The following JAKMIP1 variants were observed in gnomAD, a reference collection of about 807,000 sequenced individuals.
JAKMIP1 encodes janus kinase and microtubule-interacting protein 1.
Under a neutral mutation model 113.0 loss-of-function variants are expected in JAKMIP1, and 33 were observed. The observed-to-expected ratio is 0.29, with a 90% confidence interval of 0.22 to 0.39. JAKMIP1 has a LOEUF of 0.39. Among genes scored for constraint, JAKMIP1 ranks in the 10% least tolerant of loss-of-function variants. The probability of loss-of-function intolerance (pLI) is 1.00; values close to 1 mark genes in which losing one functional copy is unlikely to be tolerated. For synonymous variants in JAKMIP1, 480 were observed against 459.9 expected, an observed-to-expected ratio of 1.04 and a Z score of -0.56; for missense variants, 813 against 1,080.5, an observed-to-expected ratio of 0.75 and a Z score of 3.47.
At chr4:6,063,341 C>T (rs984016094) in intron 9 of JAKMIP1, among the ~76,000 whole-genome samples, 2 of 152,244 alleles carry the variant, frequency 1.3e-5, no homozygotes, top group Admixed American at 1.3e-4. Flanking sequence ...TATTACATAT[C>T]ACTGGCTGGG....
chr4:6,085,735 G>C, intron 3 of JAKMIP1, 106 bp from the exon 4 acceptor site: 1 of 987,980 alleles, frequency 1.0e-6, no homozygotes, highest in Non-Finnish European at 1.5e-6. Context: ...GCAGTGTCTC[G>C]GGCCTGGGTC....
Position 6,040,853 on chromosome 4 carries a change from C to T in JAKMIP1, c.2098-137G>A, listed in dbSNP as rs982757567. 1.9e-5 allele frequency: 13 copies of T among 692,604 alleles called. No individual in the cohort carries two copies. Among genetic ancestry groups the T allele is most frequent in the Middle Eastern group, 3.8e-4 (1 of 2,610 alleles). The allele number at this position is 692,604 out of a possible 1,614,324, so 42.9% of individuals were successfully genotyped here. On this transcript the variant is annotated intron_variant, in intron 17 of 20. Coordinates refer to ENST00000409021, the MANE Select transcript of JAKMIP1 (RefSeq NM_001099433.2). The surrounding 1 kb of genome is among the most constrained non-coding windows in gnomAD (Gnocchi z 5.8). ...TGAGAAGGGACTTGGTGGTCTTCCC[C>T]GTTTGCCCCCACATGAATCACCCAG...
chr4:6,053,799 G>C, intron 13 of JAKMIP1: 1 of 1,280,014 alleles, frequency 7.8e-7, no homozygotes, highest in Non-Finnish European at 9.9e-7. Context: ...ACAAGCCATA[G>C]GCAATAAATA....
chr4:6,049,739 C>G lies in JAKMIP1; in HGVS notation c.1962+80G>C, dbSNP rs1002725483. The G allele has an allele frequency of 1.8e-6, 2 of 1,089,414 alleles. No homozygotes were observed. The highest frequency in any genetic ancestry group is 2.8e-6 in the Non-Finnish European group (2 of 718,590). 67.5% of individuals were successfully genotyped at this position (1,089,414 alleles called of 1,614,324 possible). ...TCTTACATCAGAGAGAAATTAAAAACAAAACAAAACAAAAGTCACACAGAA... is the reference window on the plus strand; with the variant it reads ...TCTTACATCAGAGAGAAATTAAAAAGAAAACAAAACAAAAGTCACACAGAA... On this transcript the variant is annotated intron_variant, in intron 15 of 20. Coordinates refer to ENST00000409021, the MANE Select transcript of JAKMIP1 (RefSeq NM_001099433.2). The surrounding 1 kb of genome is among the most constrained non-coding windows in gnomAD (Gnocchi z 7.0).
In JAKMIP1 at chr4:6,067,299, C is replaced by G. The variant is rs1415409620; in HGVS notation, c.1303-2291G>C. 6.6e-6 allele frequency among the ~76,000 whole-genome samples: 1 copy of G among 152,188 alleles called. No individual in the cohort carries two copies. The highest frequency in any genetic ancestry group is 1.5e-5 in the Non-Finnish European group (1 of 68,036). On this transcript the variant is annotated intron_variant, in intron 8 of 20. Coordinates refer to ENST00000409021, the MANE Select transcript of JAKMIP1 (RefSeq NM_001099433.2). The surrounding 1 kb of genome is among the most constrained non-coding windows in gnomAD (Gnocchi z 4.6). ...AACAGATTTTGTTTTGCACATGACA[C>G]CATTTCCATTCATTCACACAGCTGG...
At chr4:6,046,106 TC>T (rs1195859729) in intron 16 of JAKMIP1, among the ~76,000 whole-genome samples, 2 of 152,108 alleles carry the variant, frequency 1.3e-5, no homozygotes, top group African/African-American at 4.8e-5. Flanking sequence ...CCCACGACTG[TC>T]CCTGTTTTAG....
At chr4:6,055,476 G>A (rs769797371) in intron 12 of JAKMIP1, among the ~76,000 whole-genome samples, 4 of 152,218 alleles carry the variant, frequency 2.6e-5, no homozygotes, top group Non-Finnish European at 5.9e-5. Context: ...AGAAAGAGAA[G>A]AACAGAGGCC....
chr4:6,149,405 G>A (rs574056802), intron 1 of JAKMIP1, among the ~76,000 whole-genome samples: 9 of 152,130 alleles, frequency 5.9e-5, no homozygotes, highest in African/African-American at 9.6e-5. Flanking sequence ...GCTGACCCTC[G>A]CCATCTGTCG....
At chr4:6,048,955 A>C in intron 15 of JAKMIP1, 33 bp from the exon 16 acceptor site, 1 of 1,561,344 alleles carries the variant, frequency 6.4e-7, no homozygotes, top group Non-Finnish European at 8.8e-7. Context: ...GGCATTTGAC[A>C]CTGGATCCCA....
chr4:6,055,064 G>A (rs1027183360), intron 12 of JAKMIP1, among the ~76,000 whole-genome samples: 6 of 152,162 alleles, frequency 3.9e-5, no homozygotes, highest in African/African-American at 1.4e-4. Flanking sequence ...GAAGGGAATG[G>A]GGCCACATGC....
intron 8 of JAKMIP1, among the ~76,000 whole-genome samples, chr4:6,075,548 C>T (rs573665417): frequency 7.2e-5 from 11 of 152,158 alleles, no homozygotes; most frequent in Admixed American, 1.3e-4. Flanking sequence ...ATAGAAAAGA[C>T]CCTAAACCCA....
intron 8 of JAKMIP1, among the ~76,000 whole-genome samples, chr4:6,078,307 T>G (rs1719977293): frequency 7.0e-6 from 1 of 142,862 alleles, no homozygotes; most frequent in Non-Finnish European, 1.5e-5. Flanking sequence ...AGAGTGAGAC[T>G]CTGTCTAAAA....
At chr4:6,030,436 C>G (rs569148275) in intron 19 of JAKMIP1, among the ~76,000 whole-genome samples, 85 of 152,324 alleles carry the variant, frequency 5.6e-4, no homozygotes, top group Non-Finnish European at 1.0e-3. Context: ...CTTAGTTACC[C>G]TCCTTGGCAC....
Position 6,105,644 on chromosome 4 carries a change from C to A in JAKMIP1, c.453G>T (p.Leu151=). 6.3e-7 allele frequency: 1 copy of A among 1,595,086 alleles called. No individual in the cohort carries two copies. The change falls in exon 3 of 21, where the codon CTG becomes CTT. Residue 151 remains leucine (L), a synonymous_variant. Coordinates refer to ENST00000409021, the MANE Select transcript of JAKMIP1 (RefSeq NM_001099433.2). Reference sequence around the variant, plus strand: ...CCTTGAGCTCCAGGATCTCCTGCTGCAGCCGCAGGCGCTCTCCATCGAAGG... The same window carrying A: ...CCTTGAGCTCCAGGATCTCCTGCTGAAGCCGCAGGCGCTCTCCATCGAAGG... The part of the protein sequence containing the change: ...RRAFDGERLR[L]QQEILELKAA...
intron 3 of JAKMIP1, among the ~76,000 whole-genome samples, chr4:6,098,400 T>C (rs541559233): frequency 1.1e-3 from 169 of 150,746 alleles, no homozygotes; most frequent in African/African-American, 2.9e-3. Context: ...AGCATTGCAC[T>C]TCAGCCTGAG....
At chr4:6,115,164 T>A (rs747175273) in intron 1 of JAKMIP1, among the ~76,000 whole-genome samples, 1 of 152,140 alleles carries the variant, frequency 6.6e-6, no homozygotes, top group South Asian at 2.1e-4. Context: ...ATCCCAGCAC[T>A]TTGGGAGGCC....
chr4:6,093,948 C>T lies in JAKMIP1; in HGVS notation c.625-8319G>A, dbSNP rs1350296826. ...TTCCCTCTTTTCTGCCACCCTGGCT[C>T]GGCTGGGCAGTCCCCAGATGTCCTG... On this transcript the variant is annotated intron_variant, in intron 3 of 20. Transcript: ENST00000409021. This position sits in a 1 kb window ranked among gnomAD's most constrained non-coding sequence, Gnocchi z 4.6. 2.0e-5 allele frequency among the ~76,000 whole-genome samples: 3 copies of T among 152,038 alleles called. No homozygotes were observed. The highest frequency in any genetic ancestry group is 2.1e-4 in the South Asian group (1 of 4,806).
rs116534127 is a variant in JAKMIP1 at position 6,145,151 on chromosome 4, C to T, written c.-147-32154G>A. ...TCTAGAGGATGCAAGTACCTTTTTG[C>T]ACCACCACTGGATCAGCATGATCAT... On this transcript the variant is annotated intron_variant, in intron 1 of 20. Coordinates refer to ENST00000409021, the MANE Select transcript of JAKMIP1 (RefSeq NM_001099433.2). 3.1e-3 allele frequency among the ~76,000 whole-genome samples: 468 copies of T among 152,232 alleles called. 1 individual carries two copies. The highest frequency in any genetic ancestry group is 0.011 in the African/African-American group (447 of 41,550).
At chr4:6,060,084 T>C (rs1355918701) in intron 11 of JAKMIP1, among the ~76,000 whole-genome samples, 1 of 152,168 alleles carries the variant, frequency 6.6e-6, no homozygotes, top group Non-Finnish European at 1.5e-5. Context: ...ACAATTAAAA[T>C]CTTGATAGAA....
Sources: allele counts gnomAD v4.1 joint callset (sites outside exome capture counted in the v4.1 genomes callset), GRCh38; gene constraint gnomAD v4.1.1; non-coding constraint Gnocchi (gnomAD v3.1); transcripts MANE v1.5; gene names NCBI Gene and HGNC (gene_info 2026-07-23, HGNC 2026-07-21).